The following AGFG2 variants were observed in gnomAD, a reference collection of about 807,000 sequenced individuals.
AGFG2 encodes the protein arf-GAP domain and FG repeat-containing protein 2.
A neutral mutation model predicts 48.0 loss-of-function variants in AGFG2; 31 were observed. The ratio of observed to expected loss-of-function variants is 0.65; its 90% confidence interval spans 0.49 to 0.87. The LOEUF is 0.87. Among genes scored for constraint, AGFG2 ranks in the 40% least tolerant of loss-of-function variants. The probability of loss-of-function intolerance (pLI) is 0.00; values close to 1 mark genes in which losing one functional copy is unlikely to be tolerated. For missense variants in AGFG2, 599 were observed against 632.6 expected (o/e 0.95, Z 0.57); for synonymous variants, 229 against 260.8 (o/e 0.88, Z 1.18).
At chr7:100,558,768 CAGAG>C (rs1294265193) in intron 6 of AGFG2, among the ~76,000 whole-genome samples, 1 of 152,002 alleles carries the variant, frequency 6.6e-6, no homozygotes, top group African/African-American at 2.4e-5. Flanking sequence ...GGGGCAGACT[CAGAG>C]AGAAGGAAGG....
chr7:100,541,602 A>G (rs1359642681), intron 1 of AGFG2, among the ~76,000 whole-genome samples: 1 of 152,020 alleles, frequency 6.6e-6, no homozygotes, highest in Non-Finnish European at 1.5e-5. Flanking sequence ...TCTCTTACTA[A>G]AAATACAAAA....
At chr7:100,546,206 A>G (rs969195893) in intron 1 of AGFG2, among the ~76,000 whole-genome samples, 3 of 105,948 alleles carry the variant, frequency 2.8e-5, no homozygotes, top group African/African-American at 3.8e-5. Context: ...CTTTTAGTCC[A>G]GGCTCAACCA....
At position 100,550,424 on chromosome 7, in the gene AGFG2, T is replaced by C; in HGVS notation, c.344T>C (p.Phe115Ser). 6 of 1,614,156 alleles carry C rather than the reference T, an allele frequency of 3.7e-6. No individual in the cohort carries two copies. Among genetic ancestry groups the C allele is most frequent in the Middle Eastern group, 1.6e-4 (1 of 6,062 alleles). The change falls in exon 3 of 12, where the codon TTT becomes TCT. Residue 115 changes from phenylalanine to serine, a missense_variant. By Grantham distance (155) the Phe-to-Ser change is radical (BLOSUM62 -2). Transcript: ENST00000300176. ...TGCCGGAAGATTTGGTTGGGTCTGT[T>C]TGATGCTCGGACATCTTTAGTACCA... ...EVCRKIWLGL[F>S]DARTSLVPDS...
Position 100,562,957 on chromosome 7 carries a change from A to G in AGFG2, c.1171+11A>G. ...ATGGCTTGGCGCCAGGTAAGCCTCC[A>G]GCATGGTCCCTTGTCCTGACCATCT... On this transcript the variant is annotated intron_variant, in intron 9 of 11. Coordinates refer to ENST00000300176, the MANE Select transcript of AGFG2 (RefSeq NM_006076.5). This position sits in a 1 kb window ranked among gnomAD's most constrained non-coding sequence, Gnocchi z 5.4. The G allele has an allele frequency of 6.2e-7, 1 of 1,610,864 alleles. No individual in the cohort carries two copies. The highest frequency in any genetic ancestry group is 1.1e-5 in the South Asian group (1 of 90,856).
chr7:100,564,436 C>G, intron 11 of AGFG2, 133 bp downstream of exon 11: 2 of 933,776 alleles, frequency 2.1e-6, no homozygotes, highest in South Asian at 3.2e-5. Flanking sequence ...CAAGCCAGGG[C>G]TGAGCTTGGG....
chr7:100,551,071 T>TATATATATATATATA (rs1491536203), intron 3 of AGFG2, among the ~76,000 whole-genome samples: 8 of 90,358 alleles, frequency 8.9e-5, no homozygotes, highest in South Asian at 3.5e-4. Flanking sequence ...TATATATTTC[T>TATATATATATATATA]TTTTTTTTTT....
intron 6 of AGFG2, among the ~76,000 whole-genome samples, chr7:100,557,812 A>C (rs1406487522): frequency 6.6e-6 from 1 of 152,262 alleles, no homozygotes; most frequent in Non-Finnish European, 1.5e-5. Flanking sequence ...AAGATACAAC[A>C]TGGAAAACAG....
Position 100,565,326 on chromosome 7 carries a change from C to CCTG in AGFG2, c.*335_*336insCTG. 2.7e-6 allele frequency: 1 copy of CCTG among 375,454 alleles called. No homozygotes were observed. Among genetic ancestry groups the CCTG allele is most frequent in the Non-Finnish European group, 5.0e-6 (1 of 201,128 alleles). 23.3% of individuals were successfully genotyped at this position (375,454 alleles called of 1,614,324 possible). A position where few individuals can be genotyped will look rare whatever the true frequency, so the allele number is the denominator to read the frequency against. On this transcript the variant is annotated 3_prime_UTR_variant, in exon 12 of 12. Coordinates refer to ENST00000300176, the MANE Select transcript of AGFG2 (RefSeq NM_006076.5). ...CTGGGCCTAGCTCGCCAGCGCTGTGCTCCTCATGGACGGGAGCGCAGTGGG... is the reference window on the plus strand; with the variant it reads ...CTGGGCCTAGCTCGCCAGCGCTGTGCCTGTCCTCATGGACGGGAGCGCAGTGGG...
intron 4 of AGFG2, 83 bp from the exon 5 acceptor site, chr7:100,554,010 T>G: frequency 6.6e-7 from 1 of 1,516,470 alleles, no homozygotes; most frequent in Non-Finnish European, 8.9e-7. Context: ...TACCTGCCTA[T>G]CTGAGGGCAA....
At chr7:100,550,663 C>T in intron 3 of AGFG2, 152 bp downstream of exon 3, 1 of 617,536 alleles carries the variant, frequency 1.6e-6, no homozygotes, top group Non-Finnish European at 2.8e-6. Flanking sequence ...TAAAATAAAT[C>T]TACATGAAAG....
In AGFG2 at chr7:100,551,885, CAAAAAAAAAA is replaced by C. The variant is rs59484677; in HGVS notation, c.431+1391_431+1400del. ...CTGGGCAAAGAGAGAGAGACTGTCT[CAAAAAAAAAA>C]AAAAAAAAAAAAAAAAGTAGGGAAC... is the stretch of plus-strand genomic sequence containing the variant. On this transcript the variant is annotated intron_variant, in intron 3 of 11. Transcript: ENST00000300176. Among the ~76,000 whole-genome samples the C allele has an allele frequency of 2.4e-4, 4 of 16,854 alleles. 1 individual carries two copies. The highest frequency in any genetic ancestry group is 2.0e-3 in the South Asian group (1 of 510). 11.1% of individuals were successfully genotyped at this position (16,854 alleles called of 152,430 possible).
chr7:100,556,681 T>C, intron 6 of AGFG2: 1 of 1,258,822 alleles, frequency 7.9e-7, no homozygotes, highest in Non-Finnish European at 1.0e-6. Context: ...TCATAGAGTT[T>C]TGAGGGCTGG....
In AGFG2 at chr7:100,566,893, G is replaced by A. The variant is rs1354271045; in HGVS notation, c.*1902G>A. ...GCCGGAGGGAGGGAAGCTGGAATCT[G>A]TTATGGTGTATTAGGGGGAGGAGCC... On this transcript the variant is annotated 3_prime_UTR_variant, in exon 12 of 12. Coordinates refer to ENST00000300176, the MANE Select transcript of AGFG2 (RefSeq NM_006076.5). 6.6e-6 allele frequency: 1 copy of A among 152,208 alleles called. No individual in the cohort carries two copies. The highest frequency in any genetic ancestry group is 1.9e-4 in the East Asian group (1 of 5,204). 9.4% of individuals were successfully genotyped at this position (152,208 alleles called of 1,614,324 possible). A position where few individuals can be genotyped will look rare whatever the true frequency, so the allele number is the denominator to read the frequency against.
Position 100,562,817 on chromosome 7 carries a change from G to T in AGFG2, c.1088-46G>T. The T allele has an allele frequency of 6.2e-7, 1 of 1,608,024 alleles. No homozygotes were observed. Among genetic ancestry groups the T allele is most frequent in the Non-Finnish European group, 8.5e-7 (1 of 1,174,792 alleles). On this transcript the variant is annotated intron_variant, in intron 8 of 11. Coordinates refer to ENST00000300176, the MANE Select transcript of AGFG2 (RefSeq NM_006076.5). This position sits in a 1 kb window ranked among gnomAD's most constrained non-coding sequence, Gnocchi z 5.4. ...CAGGATGAAGCACGTGAGAAAAAAA[G>T]TAACCATCTCTCTCTTTCCTGCCGC...
At chr7:100,541,501 C>T (rs553637783) in intron 1 of AGFG2, among the ~76,000 whole-genome samples, 9 of 152,018 alleles carry the variant, frequency 5.9e-5, no homozygotes, top group African/African-American at 1.2e-4. Context: ...GGGTCGGGCT[C>T]GGTGGCTCAG....
chr7:100,558,439 T>G (rs1800799281), intron 6 of AGFG2, among the ~76,000 whole-genome samples: 1 of 152,138 alleles, frequency 6.6e-6, no homozygotes, highest in African/African-American at 2.4e-5. Context: ...ATGGGAGCAC[T>G]CGAGGAAACA....
chr7:100,542,242 C>T (rs1800435552), intron 1 of AGFG2, among the ~76,000 whole-genome samples: 1 of 152,178 alleles, frequency 6.6e-6, no homozygotes, highest in Non-Finnish European at 1.5e-5. Flanking sequence ...TCTCGAACTC[C>T]TGATCTCAAG....
chr7:100,554,123 C>G lies in AGFG2; in HGVS notation c.616C>G (p.Gln206Glu). The part of the protein sequence containing the change: ...PVSQSHARTS[Q>E]ARSTQPPPHS... ...CAGTCAGTCTCACGCTCGGACATCC[C>G]AGGCCCGGAGCACTCAGCCACCTCC... is the stretch of plus-strand genomic sequence containing the variant. Residue 206 changes from glutamine to glutamate, a missense_variant, in exon 5 of 12, where the codon CAG (glutamine) becomes GAG (glutamate). Transcript: ENST00000300176. 6.2e-7 allele frequency: 1 copy of G among 1,614,070 alleles called. No homozygotes were observed. Among genetic ancestry groups the G allele is most frequent in the Non-Finnish European group, 8.5e-7 (1 of 1,179,960 alleles).
In AGFG2 at chr7:100,562,342, C is replaced by T. The variant is rs1800893658; in HGVS notation, c.961C>T (p.Leu321=). 1.2e-6 allele frequency: 2 copies of T among 1,614,002 alleles called. No individual in the cohort carries two copies. Among genetic ancestry groups the T allele is most frequent in the African/African-American group, 2.7e-5 (2 of 74,930 alleles). Residue 321 remains leucine (L), a synonymous_variant, in exon 7 of 12, where the codon CTG becomes TTG. Coordinates refer to ENST00000300176, the MANE Select transcript of AGFG2 (RefSeq NM_006076.5). This position sits in a 1 kb window ranked among gnomAD's most constrained non-coding sequence, Gnocchi z 5.4. ...CAGCCTCGCAGACGTGGGCAGCTTC[C>T]TGGGACCCGGGGTGCCCGCTGCAGG... The part of the protein sequence containing the change: ...PNSLADVGSF[L]GPGVPAAGVP...
Sources: gnomAD v4.1 joint callset for allele counts (sites outside exome capture counted in the v4.1 genomes callset) on GRCh38, gnomAD v4.1.1 for gene constraint, Gnocchi (gnomAD v3.1) non-coding constraint, MANE v1.5 for transcripts, NCBI Gene and HGNC (gene_info 2026-07-23, HGNC 2026-07-21) for gene names.